The following SHOC2 variants were observed in gnomAD, a reference collection of about 807,000 sequenced individuals.
The protein encoded by SHOC2 is leucine-rich repeat protein SHOC-2.
Under a neutral mutation model 50.2 loss-of-function variants are expected in SHOC2, and 4 were observed. That is an observed-to-expected ratio of 0.08 (90% CI 0.04 to 0.18). The LOEUF (loss-of-function observed/expected upper bound fraction) is 0.18, where lower values mean the gene tolerates loss of function less well. Among genes scored for constraint, SHOC2 ranks in the 10% least tolerant of loss-of-function variants. SHOC2 has a pLI of 1.00. For missense variants in SHOC2, 388 were observed against 669.6 expected (o/e 0.58, Z 4.64); for synonymous variants, 218 against 244.5 (o/e 0.89, Z 1.01).
chr10:110,990,802 C>T (rs923014392), intron 3 of SHOC2, among the ~76,000 whole-genome samples: 7 of 152,144 alleles, frequency 4.6e-5, no homozygotes, highest in African/African-American at 1.7e-4. Context: ...TTGCTTTACT[C>T]TACTGCAAAT....
Position 111,011,878 on chromosome 10 carries a change from T to C in SHOC2, c.*60T>C. ...TAGACTGCCATTAATGTTTCTTATC[T>C]ATATCTGTATCTATTTATGTAGATA... On this transcript the variant is annotated 3_prime_UTR_variant, in exon 9 of 9. Coordinates refer to ENST00000369452, the MANE Select transcript of SHOC2 (RefSeq NM_007373.4). 7.8e-7 allele frequency: 1 copy of C among 1,287,342 alleles called. No individual in the cohort carries two copies. The highest frequency in any genetic ancestry group is 1.2e-5 in the South Asian group (1 of 84,124). The allele number at this position is 1,287,342 out of a possible 1,614,324, so 79.7% of individuals were successfully genotyped here.
intron 1 of SHOC2, among the ~76,000 whole-genome samples, chr10:110,947,551 G>A (rs1352670989): frequency 6.6e-6 from 1 of 152,202 alleles, no homozygotes; most frequent in Admixed American, 6.5e-5. Context: ...ATGATAATTT[G>A]TTGATAAATA....
intron 1 of SHOC2, among the ~76,000 whole-genome samples, chr10:110,930,656 G>T (rs1252942456): frequency 1.3e-5 from 2 of 149,952 alleles, no homozygotes; most frequent in African/African-American, 4.9e-5. Flanking sequence ...AGTATATCTT[G>T]GGAATACTTA....
At chr10:110,929,450 C>T (rs185636114) in intron 1 of SHOC2, among the ~76,000 whole-genome samples, 4 of 152,204 alleles carry the variant, frequency 2.6e-5, no homozygotes, top group Admixed American at 2.6e-4. Flanking sequence ...CATATCAAAG[C>T]TTCTGATGTG....
chr10:110,945,159 C>CT (rs768490253), intron 1 of SHOC2, among the ~76,000 whole-genome samples: 4 of 152,184 alleles, frequency 2.6e-5, no homozygotes, highest in Admixed American at 6.5e-5. Context: ...GTATAAAACA[C>CT]TTTCCTGTAA....
intron 1 of SHOC2, among the ~76,000 whole-genome samples, chr10:110,961,209 C>G (rs1376724200): frequency 6.6e-6 from 1 of 152,074 alleles, no homozygotes. Flanking sequence ...ACTGTGTATT[C>G]TATTACCTAA....
At chr10:110,946,373 C>T (rs1284830128) in intron 1 of SHOC2, among the ~76,000 whole-genome samples, 1 of 148,862 alleles carries the variant, frequency 6.7e-6, no homozygotes, top group Non-Finnish European at 1.5e-5. Context: ...TAGTATTGGC[C>T]AGGTTCTAGG....
At chr10:110,990,660 G>A (rs1250777539) in intron 3 of SHOC2, among the ~76,000 whole-genome samples, 6 of 152,008 alleles carry the variant, frequency 3.9e-5, no homozygotes, top group African/African-American at 4.8e-5. Flanking sequence ...GCAGGCTGCC[G>A]GAGCCAGCAT....
intron 2 of SHOC2, among the ~76,000 whole-genome samples, chr10:110,973,634 G>C (rs1290497632): frequency 1.3e-5 from 2 of 151,886 alleles, no homozygotes; most frequent in Non-Finnish European, 2.9e-5. Flanking sequence ...CTCCTTAAAT[G>C]TTCGGTAGAA....
intron 2 of SHOC2, among the ~76,000 whole-genome samples, chr10:110,977,602 G>A (rs1246185874): frequency 6.6e-6 from 1 of 152,176 alleles, no homozygotes; most frequent in Non-Finnish European, 1.5e-5. Flanking sequence ...ACATTGTTGA[G>A]TCTTGGATTT....
In SHOC2 at chr10:110,975,785, C is replaced by T. The variant is rs182725874; in HGVS notation, c.704-9843C>T. Among the ~76,000 whole-genome samples the T allele has an allele frequency of 2.9e-3, 435 of 152,240 alleles. 2 individuals carry two copies. Among genetic ancestry groups the T allele is most frequent in the Non-Finnish European group, 5.4e-3 (368 of 68,000 alleles). ...TCTCCACAGCTTCTGCTGTGCTTCT[C>T]CACTTTAAAGTTAATATTTTTTTCT... On this transcript the variant is annotated intron_variant, in intron 2 of 8. Coordinates refer to ENST00000369452, the MANE Select transcript of SHOC2 (RefSeq NM_007373.4).
chr10:110,974,755 A>G (rs776907222), intron 2 of SHOC2, among the ~76,000 whole-genome samples: 6 of 152,074 alleles, frequency 3.9e-5, no homozygotes, highest in Non-Finnish European at 8.8e-5. Flanking sequence ...TATTTTGCAT[A>G]TATCCTAAGA....
chr10:111,010,677 A>G (rs1308434440), intron 8 of SHOC2, among the ~76,000 whole-genome samples: 1 of 19,720 alleles, frequency 5.1e-5, no homozygotes, highest in Non-Finnish European at 1.3e-4. Flanking sequence ...AACTTAAAGT[A>G]TAATAAAAAA....
intron 1 of SHOC2, among the ~76,000 whole-genome samples, chr10:110,951,437 G>A (rs1044859642): frequency 6.6e-6 from 1 of 152,148 alleles, no homozygotes; most frequent in South Asian, 2.1e-4. Context: ...TTACACTGTT[G>A]TAAATTGGTA....
At chr10:110,919,506 T>A (rs372543822), upstream of SHOC2, 41 of 320,876 alleles carry the variant, frequency 1.3e-4, no homozygotes, top group South Asian at 7.1e-3. Context: ...GCGGGGAGGC[T>A]GGAGCGAGAG....
intron 5 of SHOC2, 82 bp downstream of exon 5, chr10:111,004,876 G>A (rs1221324166): frequency 2.1e-6 from 2 of 970,398 alleles, no homozygotes; most frequent in African/African-American, 3.2e-5. Context: ...CTAATTGTGT[G>A]GGGAGTGGGT....
At chr10:110,931,723 G>A (rs1377951177) in intron 1 of SHOC2, among the ~76,000 whole-genome samples, 1 of 151,748 alleles carries the variant, frequency 6.6e-6, no homozygotes, top group African/African-American at 2.4e-5. Context: ...TCAATAAAAG[G>A]TTCATAATAT....
chr10:110,949,610 C>T (rs1847311973), intron 1 of SHOC2, among the ~76,000 whole-genome samples: 1 of 151,988 alleles, frequency 6.6e-6, no homozygotes, highest in Admixed American at 6.5e-5. Context: ...GATACCAAAG[C>T]CAAACAAGGA....
At chr10:110,929,725 C>T (rs1846852993) in intron 1 of SHOC2, among the ~76,000 whole-genome samples, 1 of 152,118 alleles carries the variant, frequency 6.6e-6, no homozygotes. Flanking sequence ...AAAACCCCAC[C>T]CTTGTGACCT....
Sources: gnomAD v4.1 joint callset for allele counts (sites outside exome capture counted in the v4.1 genomes callset) on GRCh38, gnomAD v4.1.1 for gene constraint, MANE v1.5 for transcripts, NCBI Gene and HGNC (gene_info 2026-07-23, HGNC 2026-07-21) for gene names.